The following ZFP57 variants were observed in gnomAD, a reference collection of about 807,000 sequenced individuals.
ZFP57 encodes zinc finger protein 57 homolog.
In ZFP57, 12 loss-of-function variants were observed where a neutral mutation model predicts 15.8. The observed-to-expected ratio is 0.76, with a 90% CI of 0.49 to 1.23. ZFP57 has a LOEUF of 1.23. Ranked by LOEUF, ZFP57 falls within the 50% of genes most tolerant of loss-of-function variation. The pLI is 0.00. For missense variants in ZFP57, 536 were observed against 654.9 expected, an observed-to-expected ratio of 0.82 and a Z score of 1.98; for synonymous variants, 203 against 242.3, an observed-to-expected ratio of 0.84 and a Z score of 1.51.
Position 29,673,437 on chromosome 6 carries a change from T to C in ZFP57, c.674A>G (p.His225Arg). 1 of 1,613,084 alleles carries C rather than the reference T, an allele frequency of 6.2e-7. No individual in the cohort carries two copies. Among genetic ancestry groups the C allele is most frequent in the Non-Finnish European group, 8.5e-7 (1 of 1,180,032 alleles). The change falls in exon 5 of 5, where the codon CAT (histidine) becomes CGT (arginine). Residue 225 changes from histidine to arginine, a missense_variant. Coordinates refer to ENST00000376883, the MANE Select transcript of ZFP57 (RefSeq NM_001109809.5). This position sits in a 1 kb window ranked among gnomAD's most constrained non-coding sequence, Gnocchi z 4.7. ...PKSLSYHRRM[H>R]LGERPFCCTL... is the part of the protein sequence containing the mutation. ...GCAACAGAAGGGCCTCTCCCCAAGA[T>C]GCATGCGTCTGTGATAGCTGAGGGA...
In ZFP57 at chr6:29,673,715, T is replaced by C; in HGVS notation, c.396A>G (p.Arg132=). The change falls in exon 5 of 5, where the codon AGA becomes AGG. Residue 132 remains arginine (R), a synonymous_variant. Transcript: ENST00000376883. The surrounding 1 kb of genome is among the most constrained non-coding windows in gnomAD (Gnocchi z 4.7). ...KELREQHPSL[R]DEGTSDDKVF... ...CCTTGTCATCACTAGTCCCCTCATC[T>C]CTCAGACTGGGATGTTGTTCTCGAA... The C allele has an allele frequency of 6.2e-7, 1 of 1,613,092 alleles. No individual in the cohort carries two copies. Among genetic ancestry groups the C allele is most frequent in the Non-Finnish European group, 8.5e-7 (1 of 1,180,036 alleles).
chr6:29,677,210 TCTC>T lies in ZFP57; in HGVS notation c.-210_-208del. On this transcript the variant is annotated 5_prime_UTR_variant, in exon 2 of 5. Transcript: ENST00000376883. ...TCCTTTTTTGTTCTGCTGTCCAAAT[TCTC>T]CTCTTCCACAATTGAGAACAATTTT... 1 of 665,872 alleles carries T rather than the reference TCTC, an allele frequency of 1.5e-6. No individual in the cohort carries two copies. The highest frequency in any genetic ancestry group is 2.6e-6 in the Non-Finnish European group (1 of 391,214). The allele number at this position is 665,872 out of a possible 1,614,324, so 41.2% of individuals were successfully genotyped here. A position where few individuals can be genotyped will look rare whatever the true frequency, so the allele number is the denominator to read the frequency against.
In ZFP57 at chr6:29,677,014, GT is replaced by G; in HGVS notation, c.-12del. 6.2e-7 allele frequency: 1 copy of G among 1,614,136 alleles called. No individual in the cohort carries two copies. Among genetic ancestry groups the G allele is most frequent in the Non-Finnish European group, 8.5e-7 (1 of 1,180,036 alleles). The stretch of plus-strand genomic sequence containing the variant: ...CAGCTGTTCAAACATCTTCTCTTCT[GT>G]GGTGTCTCTTTCTAGCTTTATCCAC... On this transcript the variant is annotated 5_prime_UTR_variant, in exon 2 of 5. Transcript: ENST00000376883.
chr6:29,674,190 A>AG (rs1771945872), intron 4 of ZFP57, among the ~76,000 whole-genome samples: 2 of 148,948 alleles, frequency 1.3e-5, no homozygotes, highest in Non-Finnish European at 3.0e-5. Flanking sequence ...AGAAGGAAGA[A>AG]GAAGAAGAAG....
rs375984 is a variant in ZFP57, at chr6:29,676,725, C to T, written c.123+156G>A. Among the ~76,000 whole-genome samples the T allele has an allele frequency of 0.22, 33,533 of 151,852 alleles. 3,843 individuals carry two copies. Among genetic ancestry groups the T allele is most frequent in the East Asian group, 0.33 (1,686 of 5,146 alleles). The stretch of plus-strand genomic sequence containing the variant: ...CTCCATGAAGGATGCCAGGATGGTG[C>T]GGGAGATGGAGAAAGGTCTTGCAGC... On this transcript the variant is annotated intron_variant, in intron 2 of 4. Transcript: ENST00000376883.
rs571009774 is a variant in ZFP57, at chr6:29,677,504, C to T, written c.-363-138G>A. 1.8e-4 allele frequency: 33 copies of T among 183,146 alleles called. No homozygotes were observed. In the South Asian group the frequency reaches 4.2e-3, roughly 23 times the overall value. 11.3% of individuals were successfully genotyped at this position (183,146 alleles called of 1,614,324 possible). A position where few individuals can be genotyped will look rare whatever the true frequency, so the allele number is the denominator to read the frequency against. On this transcript the variant is annotated intron_variant, in intron 1 of 4. Coordinates refer to ENST00000376883, the MANE Select transcript of ZFP57 (RefSeq NM_001109809.5). ...GCTCTCAGCAATGAGGTAACAATTA[C>T]TGGCCCTGTCTTAAGGACCTAATGC...
chr6:29,676,552 A>AG (rs9280640), intron 2 of ZFP57, among the ~76,000 whole-genome samples: 20,571 of 106,556 alleles, frequency 0.19, 1,709 homozygotes, highest in East Asian at 0.42. Context: ...AAAAAAAAGA[A>AG]AAAAAAAAAA....
In ZFP57 at chr6:29,677,016, GGT is replaced by G. The variant is rs757143658; in HGVS notation, c.-15_-14del. The G allele has an allele frequency of 2.0e-5, 32 of 1,613,982 alleles. No individual in the cohort carries two copies. The highest frequency in any genetic ancestry group is 1.7e-6 in the Non-Finnish European group (2 of 1,180,038). On this transcript the variant is annotated 5_prime_UTR_variant, in exon 2 of 5. Transcript: ENST00000376883. ...GCTGTTCAAACATCTTCTCTTCTGT[GGT>G]GTCTCTTTCTAGCTTTATCCACTCC...
At chr6:29,679,084 A>T (rs1772208802) in intron 1 of ZFP57, among the ~76,000 whole-genome samples, 1 of 152,230 alleles carries the variant, frequency 6.6e-6, no homozygotes, top group Non-Finnish European at 1.5e-5. Context: ...ACCTGTGGAT[A>T]AGGGGAACCA....
intron 1 of ZFP57, among the ~76,000 whole-genome samples, chr6:29,678,782 A>G (rs1562228889): frequency 6.6e-6 from 1 of 152,212 alleles, no homozygotes; most frequent in Non-Finnish European, 1.5e-5. Flanking sequence ...CATGGTTTCA[A>G]AGTATCCACT....
At chr6:29,679,811 G>A (rs1772248056) in intron 1 of ZFP57, among the ~76,000 whole-genome samples, 1 of 152,178 alleles carries the variant, frequency 6.6e-6, no homozygotes, top group African/African-American at 2.4e-5. Context: ...TTGAACCCGG[G>A]AGGCAGAGGT....
intron 1 of ZFP57, among the ~76,000 whole-genome samples, chr6:29,680,756 T>A (rs1206320733): frequency 6.6e-6 from 1 of 152,150 alleles, no homozygotes; most frequent in Non-Finnish European, 1.5e-5. Flanking sequence ...AACGGTCCCA[T>A]TGGTTGGGAC....
chr6:29,677,315 A>G lies in ZFP57; in HGVS notation c.-312T>C, dbSNP rs1410451600. 2 of 453,890 alleles carry G rather than the reference A, an allele frequency of 4.4e-6. No individual in the cohort carries two copies. The highest frequency in any genetic ancestry group is 8.2e-6 in the Non-Finnish European group (2 of 244,964). 28.1% of individuals were successfully genotyped at this position (453,890 alleles called of 1,614,324 possible). A position where few individuals can be genotyped will look rare whatever the true frequency, so the allele number is the denominator to read the frequency against. On this transcript the variant is annotated 5_prime_UTR_variant, in exon 2 of 5. Coordinates refer to ENST00000376883, the MANE Select transcript of ZFP57 (RefSeq NM_001109809.5). ...CACCAGCTGCCATTGTTTAGTAACAACACCAGCCTGGGCTAGGTGTCTGCC... is the reference window on the plus strand; with the variant it reads ...CACCAGCTGCCATTGTTTAGTAACAGCACCAGCCTGGGCTAGGTGTCTGCC...
chr6:29,678,059 C>G (rs989595466), intron 1 of ZFP57, among the ~76,000 whole-genome samples: 1 of 152,136 alleles, frequency 6.6e-6, no homozygotes, highest in African/African-American at 2.4e-5. Context: ...AAGAAAATAG[C>G]TGGGCATAGT....
chr6:29,676,813 A>T, intron 2 of ZFP57, 68 bp downstream of exon 2: 1 of 1,589,430 alleles, frequency 6.3e-7, no homozygotes, highest in East Asian at 2.2e-5. Context: ...TGCAGGCAGG[A>T]GTATGTATGA....
rs1562226131 is a variant in ZFP57, at chr6:29,676,046, A to G, written c.137T>C (p.Phe46Ser). 1 of 1,612,642 alleles carries G rather than the reference A, an allele frequency of 6.2e-7. No individual in the cohort carries two copies. Among genetic ancestry groups the G allele is most frequent in the Admixed American group, 1.7e-5 (1 of 59,946 alleles). Reference sequence around the variant, plus strand: ...GGTGAAATTCACTGCCACATCCTCAAAGGTGACTGGCTTCTGGAAGAACAG... The same window carrying G: ...GGTGAAATTCACTGCCACATCCTCAGAGGTGACTGGCTTCTGGAAGAACAG... ...EARVKKKPVT[F>S]EDVAVNFTQE... Residue 46 changes from phenylalanine to serine, a missense_variant, in exon 3 of 5, where the codon TTT (phenylalanine) becomes TCT (serine). Phe to Ser is a radical substitution (Grantham distance 155). Transcript: ENST00000376883.
chr6:29,676,083 G>A (rs762798074), intron 2 of ZFP57, 24 bp from the exon 3 acceptor site: 5 of 1,417,496 alleles, frequency 3.5e-6, no homozygotes, highest in Non-Finnish European at 4.8e-6. Flanking sequence ...AGAGACTCAA[G>A]AAGTTTATAT....
At chr6:29,677,607 G>A (rs1415708266) in intron 1 of ZFP57, among the ~76,000 whole-genome samples, 2 of 152,222 alleles carry the variant, frequency 1.3e-5, no homozygotes, top group Admixed American at 6.5e-5. Context: ...TAATGTTAAT[G>A]TTAGACTCAG....
At chr6:29,674,160 AGAGAAG>A (rs1420250543) in intron 4 of ZFP57, among the ~76,000 whole-genome samples, 1 of 146,612 alleles carries the variant, frequency 6.8e-6, no homozygotes, top group Non-Finnish European at 1.5e-5. Context: ...GAGAAGGAGA[AGAGAAG>A]GAGAAGAAGA....
Sources: allele counts gnomAD v4.1 joint callset (sites outside exome capture counted in the v4.1 genomes callset), GRCh38; gene constraint gnomAD v4.1.1; non-coding constraint Gnocchi (gnomAD v3.1); transcripts MANE v1.5; gene names NCBI Gene and HGNC (gene_info 2026-07-23, HGNC 2026-07-21).